GALNT14: variants seen among roughly 807,000 people sequenced by gnomAD.
GALNT14 encodes the protein UDP-GalNAc:polypeptide N-acetylgalactosaminyltransferase 14.
GALNT14 carries 60 observed loss-of-function variants against 77.5 expected under a neutral mutation model. The ratio of observed to expected loss-of-function variants is 0.77; its 90% CI spans 0.63 to 0.96. The LOEUF is 0.96. GALNT14 is among the 40% of genes least tolerant of loss of function. GALNT14 has a pLI of 0.00. For missense variants in GALNT14, 710 were observed against 731.0 expected (o/e 0.97, Z 0.33); for synonymous variants, 280 against 281.7 (o/e 0.99, Z 0.06).
At chr2:31,025,525 G>A (rs879538333) in intron 1 of GALNT14, among the ~76,000 whole-genome samples, 1 of 152,190 alleles carries the variant, frequency 6.6e-6, no homozygotes, top group Non-Finnish European at 1.5e-5. Context: ...ACAAGACAGG[G>A]CTGGATGGAA....
At chr2:30,904,499 C>A in the GALNT14 span, among the ~76,000 whole-genome samples, 1 of 152,182 alleles carries the variant, frequency 6.6e-6, no homozygotes, top group African/African-American at 2.4e-5. Flanking sequence ...TGCGCTTTTC[C>A]GACGGGCTTA....
At chr2:31,010,908 C>T (rs1670987453) in intron 1 of GALNT14, among the ~76,000 whole-genome samples, 1 of 152,242 alleles carries the variant, frequency 6.6e-6, no homozygotes, top group Admixed American at 6.5e-5. Context: ...GATGGGAAAC[C>T]AGAACCATTT....
In GALNT14 at chr2:30,948,257, G is replaced by A. The variant is rs1340722456; in HGVS notation, c.655-2387C>T. On this transcript the variant is annotated intron_variant, in intron 6 of 14. Coordinates refer to ENST00000349752, the MANE Select transcript of GALNT14 (RefSeq NM_024572.4). The stretch of plus-strand genomic sequence containing the variant: ...CTGCAGCTGTACTAGGTCCTTCTGT[G>A]ACTCTTATGCAATAAAGGATTAACC... 2.0e-5 allele frequency among the ~76,000 whole-genome samples: 3 copies of A among 152,194 alleles called. No homozygotes were observed. The South Asian group carries it at 6.2e-4, about 32-fold the overall frequency.
At chr2:31,077,892 T>A (rs901757873) in intron 1 of GALNT14, among the ~76,000 whole-genome samples, 1 of 152,252 alleles carries the variant, frequency 6.6e-6, no homozygotes, top group African/African-American at 2.4e-5. Flanking sequence ...CTGAGGCACC[T>A]GATCAAGATT....
At chr2:30,996,039 A>G (rs1413408257) in intron 1 of GALNT14, among the ~76,000 whole-genome samples, 1 of 152,150 alleles carries the variant, frequency 6.6e-6, no homozygotes, top group Non-Finnish European at 1.5e-5. Context: ...TCAGACCTTC[A>G]GTGAATTAGA....
chr2:31,070,568 G>A lies in GALNT14; in HGVS notation c.129+67390C>T, dbSNP rs377361484. Among the ~76,000 whole-genome samples, 229 of 152,308 alleles carry A rather than the reference G, an allele frequency of 1.5e-3. 2 individuals are homozygous for A. The highest frequency in any genetic ancestry group is 5.0e-3 in the African/African-American group (208 of 41,576). On this transcript the variant is annotated intron_variant, in intron 1 of 14. Coordinates refer to ENST00000349752, the MANE Select transcript of GALNT14 (RefSeq NM_024572.4). ...GAAAAATGCTCGGCAGCAATTTATC[G>A]GCGTGCCCAAGGGGAGGCAGCTGAC...
At chr2:31,017,988 C>T (rs1023253042) in intron 1 of GALNT14, among the ~76,000 whole-genome samples, 12 of 152,198 alleles carry the variant, frequency 7.9e-5, no homozygotes, top group East Asian at 3.9e-4. Flanking sequence ...CACAGGGCCT[C>T]GGCCTTGGGG....
At chr2:30,912,892 G>T (rs1472069580) in intron 13 of GALNT14, among the ~76,000 whole-genome samples, 1 of 152,194 alleles carries the variant, frequency 6.6e-6, no homozygotes, top group Non-Finnish European at 1.5e-5. Flanking sequence ...CCAAGGGAAT[G>T]AATAAAGAAG....
Position 30,936,700 on chromosome 2 carries a change from G to A in GALNT14, c.932-4506C>T, listed in dbSNP as rs185388719. ...TACTCTTTAATGAATGAAGGGACTT[G>A]GGTAGAGATAATCTTATTGGCCCAG... On this transcript the variant is annotated intron_variant, in intron 9 of 14. Transcript: ENST00000349752. 2.2e-3 allele frequency among the ~76,000 whole-genome samples: 338 copies of A among 152,292 alleles called. 1 individual carries two copies. Among genetic ancestry groups the A allele is most frequent in the African/African-American group, 7.8e-3 (324 of 41,556 alleles).
chr2:31,117,882 T>A (rs1678190659), intron 1 of GALNT14, among the ~76,000 whole-genome samples: 1 of 152,214 alleles, frequency 6.6e-6, no homozygotes, highest in African/African-American at 2.4e-5. Context: ...TTACATCATG[T>A]GGCCCTGCCA....
At chr2:31,035,797 G>C (rs1295701818) in intron 1 of GALNT14, among the ~76,000 whole-genome samples, 1 of 151,988 alleles carries the variant, frequency 6.6e-6, no homozygotes, top group African/African-American at 2.4e-5. Context: ...TTATAAGCGG[G>C]AGCTAAATGA....
chr2:31,129,972 G>A (rs1000550671), intron 1 of GALNT14, among the ~76,000 whole-genome samples: 1 of 152,170 alleles, frequency 6.6e-6, no homozygotes, highest in Admixed American at 6.5e-5. Context: ...GGATCATTAG[G>A]AAGAAGACAG....
Position 31,111,714 on chromosome 2 carries a change from A to T in GALNT14, c.129+26244T>A, listed in dbSNP as rs1677845294. Among the ~76,000 whole-genome samples the T allele has an allele frequency of 2.0e-5, 3 of 152,206 alleles. No individual in the cohort carries two copies. In the South Asian group the frequency reaches 6.2e-4, roughly 31 times the overall value. ...TAAAGCTTTTTACCTTTTAAAATAA[A>T]GTGAGATGCTGCAGGTAAACAGACA... On this transcript the variant is annotated intron_variant, in intron 1 of 14. Transcript: ENST00000349752.
At chr2:30,952,504 G>T (rs569368925) in intron 6 of GALNT14, among the ~76,000 whole-genome samples, 1 of 147,684 alleles carries the variant, frequency 6.8e-6, no homozygotes. Flanking sequence ...GTAAACTATT[G>T]CAAGAACAAA....
intron 10 of GALNT14, among the ~76,000 whole-genome samples, chr2:30,931,611 G>A (rs1665732933): frequency 1.3e-5 from 2 of 152,016 alleles, no homozygotes; most frequent in Admixed American, 6.5e-5. Flanking sequence ...CCAGGCCCTG[G>A]AGCAGGGACC....
At chr2:31,125,097 G>A in intron 1 of GALNT14, 1 of 1,278,646 alleles carries the variant, frequency 7.8e-7, no homozygotes, top group South Asian at 1.3e-5. Flanking sequence ...CCCAGGGCCT[G>A]CTTGGGCAGA....
At chr2:31,112,997 T>A (rs1363233291) in intron 1 of GALNT14, among the ~76,000 whole-genome samples, 4 of 152,170 alleles carry the variant, frequency 2.6e-5, no homozygotes, top group Non-Finnish European at 4.4e-5. Flanking sequence ...CACTTCCCAA[T>A]GAATAAAATC....
chr2:31,066,793 C>T lies in GALNT14; in HGVS notation c.129+71165G>A, dbSNP rs148281016. On this transcript the variant is annotated intron_variant, in intron 1 of 14. Coordinates refer to ENST00000349752, the MANE Select transcript of GALNT14 (RefSeq NM_024572.4). ...CCAAGGCCAGCCTGCTCCCACGGTG[C>T]CACACAATGCCAGCCTCCTGAGCTG... 3.2e-4 allele frequency among the ~76,000 whole-genome samples: 49 copies of T among 151,916 alleles called. 2 individuals carry two copies. In the East Asian group the frequency reaches 6.5e-3, roughly 20 times the overall value.
At chr2:31,083,765 C>T (rs1443441139) in intron 1 of GALNT14, among the ~76,000 whole-genome samples, 1 of 152,180 alleles carries the variant, frequency 6.6e-6, no homozygotes, top group Admixed American at 6.5e-5. Context: ...AGTGGGCAGG[C>T]ACTGCTGCCC....
Sources: allele counts gnomAD v4.1 joint callset (sites outside exome capture counted in the v4.1 genomes callset), GRCh38; gene constraint gnomAD v4.1.1; transcripts MANE v1.5; gene names NCBI Gene and HGNC (gene_info 2026-07-23, HGNC 2026-07-21).